RMND5A: variants seen among roughly 807,000 people sequenced by gnomAD.
RMND5A encodes required for meiotic nuclear division 5 homolog A.
RMND5A carries 17 observed loss-of-function variants against 49.7 expected under a neutral mutation model. That is an observed-to-expected ratio of 0.34 (90% CI 0.23 to 0.51). RMND5A has a LOEUF of 0.51. RMND5A is among the 20% of genes least tolerant of loss of function. The probability of loss-of-function intolerance (pLI) is 0.96; values close to 1 mark genes in which losing one functional copy is unlikely to be tolerated. For missense variants in RMND5A, 255 were observed against 471.3 expected (o/e 0.54, Z 4.25); for synonymous variants, 156 against 167.7 (o/e 0.93, Z 0.54).
chr2:86,767,070 T>C (rs1044867587), intron 6 of RMND5A, among the ~76,000 whole-genome samples: 1 of 152,180 alleles, frequency 6.6e-6, no homozygotes, highest in Non-Finnish European at 1.5e-5. Flanking sequence ...ACTTGTTTTT[T>C]TCTTGCTTTT....
chr2:86,724,072 G>T (rs950737100), intron 1 of RMND5A, among the ~76,000 whole-genome samples: 1 of 150,976 alleles, frequency 6.6e-6, no homozygotes, highest in African/African-American at 2.5e-5. Context: ...CCGTCAGCCT[G>T]ACAACAGGAA....
At chr2:86,761,766 A>G (rs879359038) in intron 4 of RMND5A, among the ~76,000 whole-genome samples, 1 of 152,160 alleles carries the variant, frequency 6.6e-6, no homozygotes, top group Non-Finnish European at 1.5e-5. Flanking sequence ...CCTTTTTGTA[A>G]AGGTATCTAC....
At chr2:86,748,910 T>C (rs1681585875) in intron 2 of RMND5A, among the ~76,000 whole-genome samples, 1 of 152,234 alleles carries the variant, frequency 6.6e-6, no homozygotes, top group Admixed American at 6.5e-5. Flanking sequence ...CTGAAGGTTG[T>C]ATTTGGATTT....
At chr2:86,762,618 C>T (rs1220798235) in intron 4 of RMND5A, among the ~76,000 whole-genome samples, 1 of 149,148 alleles carries the variant, frequency 6.7e-6, no homozygotes, top group African/African-American at 2.5e-5. Flanking sequence ...GCACTCCAGC[C>T]TGGGCAACAG....
rs761516292 is a variant in RMND5A, at chr2:86,720,734, C to G, written c.67C>G (p.Gln23Glu). 85 of 1,589,940 alleles carry G rather than the reference C, an allele frequency of 5.3e-5. 1 individual carries two copies. Among genetic ancestry groups the G allele is most frequent in the Non-Finnish European group, 2.4e-5 (28 of 1,169,192 alleles). ...GCTGCACAAGTTCTCAGGCTACGGGCAGCTGTGCGAGCGCGGCCTGGAGGA... is the reference window on the plus strand; with the variant it reads ...GCTGCACAAGTTCTCAGGCTACGGGGAGCTGTGCGAGCGCGGCCTGGAGGA... ...KVLHKFSGYG[Q>E]LCERGLEELI... Residue 23 changes from glutamine (Q) to glutamate (E), a missense_variant, in exon 1 of 9, where the codon CAG (glutamine) becomes GAG (glutamate). By Grantham distance (29) the Gln-to-Glu change is conservative. Coordinates refer to ENST00000283632, the MANE Select transcript of RMND5A (RefSeq NM_022780.4).
chr2:86,765,013 TGC>T lies in RMND5A; in HGVS notation c.522-13_522-12del, dbSNP rs1442791969. On this transcript the variant is annotated splice_polypyrimidine_tract_variant and intron_variant, in intron 4 of 8. Transcript: ENST00000283632. ...TGCTTTTGATTCTTAAAGTCTTTTT[TGC>T]CTTTTCTTTAGGTGGGCAGTGTCAA... 1 of 1,585,852 alleles carries T rather than the reference TGC, an allele frequency of 6.3e-7. No homozygotes were observed. Among genetic ancestry groups the T allele is most frequent in the Non-Finnish European group, 8.5e-7 (1 of 1,171,052 alleles).
In RMND5A at chr2:86,766,073, C is replaced by A. The variant is rs962969401; in HGVS notation, c.854+49C>A. The A allele has an allele frequency of 2.7e-6, 4 of 1,484,314 alleles. No individual in the cohort carries two copies. The African/African-American group carries it at 5.6e-5, about 21-fold the overall frequency. 91.9% of individuals were successfully genotyped at this position (1,484,314 alleles called of 1,614,324 possible). ...TATTGAAGTATGCACTGCATTATCA[C>A]CTTCCCTTAACTTGTTTGGTTCTTG... On this transcript the variant is annotated intron_variant, in intron 6 of 8. Transcript: ENST00000283632.
At chr2:86,754,303 A>G (rs568329399) in intron 4 of RMND5A, among the ~76,000 whole-genome samples, 1 of 152,342 alleles carries the variant, frequency 6.6e-6, no homozygotes, top group African/African-American at 2.4e-5. Flanking sequence ...CCCAGTCCTA[A>G]AATTTTTTAC....
intron 1 of RMND5A, among the ~76,000 whole-genome samples, chr2:86,728,876 C>CA (rs1435392238): frequency 6.7e-6 from 1 of 149,836 alleles, no homozygotes. Flanking sequence ...GCCTCAGCCC[C>CA]CGAGTAGCTG....
chr2:86,733,221 ATAAT>A (rs1336102442), intron 1 of RMND5A, among the ~76,000 whole-genome samples: 1 of 90,474 alleles, frequency 1.1e-5, no homozygotes, highest in Non-Finnish European at 2.1e-5. Context: ...TATGTAATAC[ATAAT>A]TAATTATTTT....
chr2:86,732,688 A>T (rs1681353883), intron 1 of RMND5A, among the ~76,000 whole-genome samples: 1 of 148,988 alleles, frequency 6.7e-6, no homozygotes, highest in South Asian at 2.1e-4. Context: ...GTCACATTAT[A>T]TATTAGAGAT....
chr2:86,759,019 G>T (rs1203075997), intron 4 of RMND5A, among the ~76,000 whole-genome samples: 2 of 152,112 alleles, frequency 1.3e-5, no homozygotes, highest in Non-Finnish European at 2.9e-5. Flanking sequence ...TAGAAAAAGA[G>T]GTTTTTGTAA....
intron 4 of RMND5A, among the ~76,000 whole-genome samples, chr2:86,761,769 G>T (rs1221697903): frequency 6.6e-6 from 1 of 152,072 alleles, no homozygotes; most frequent in South Asian, 2.1e-4. Flanking sequence ...TTTTGTAAAG[G>T]TATCTACTTA....
Position 86,774,748 on chromosome 2 carries a change from T to C in RMND5A, c.*1337T>C, listed in dbSNP as rs1392987283. 2 of 152,616 alleles carry C rather than the reference T, an allele frequency of 1.3e-5. No individual in the cohort carries two copies. The highest frequency in any genetic ancestry group is 2.9e-5 in the Non-Finnish European group (2 of 68,042). 9.5% of individuals were successfully genotyped at this position (152,616 alleles called of 1,614,324 possible). A position where few individuals can be genotyped will look rare whatever the true frequency, so the allele number is the denominator to read the frequency against. ...TCTTCTGACATGGAGTGAACATCAA[T>C]AGGAATACTTTCAAAGAAAATGAAA... is the stretch of plus-strand genomic sequence containing the variant. On this transcript the variant is annotated 3_prime_UTR_variant, in exon 9 of 9. Transcript: ENST00000283632.
rs1447226178 is a variant in RMND5A at position 86,777,977 on chromosome 2, T to C, written c.*4566T>C. On this transcript the variant is annotated 3_prime_UTR_variant, in exon 9 of 9. Transcript: ENST00000283632. ...TGCTTTGTTAATGTGTGTATTCCTA[T>C]GTAAAACACATGGCTTTTCCTGTGT... The C allele has an allele frequency of 1.3e-5, 2 of 152,216 alleles. No homozygotes were observed. Among genetic ancestry groups the C allele is most frequent in the Non-Finnish European group, 2.9e-5 (2 of 68,032 alleles). The allele number at this position is 152,216 out of a possible 1,614,324, so 9.4% of individuals were successfully genotyped here.
chr2:86,750,334 T>G (rs1681611824), intron 2 of RMND5A, among the ~76,000 whole-genome samples: 1 of 152,202 alleles, frequency 6.6e-6, no homozygotes. Context: ...TCTGAGAATG[T>G]CTTTATTTCA....
intron 2 of RMND5A, among the ~76,000 whole-genome samples, chr2:86,746,681 C>T (rs979582054): frequency 1.3e-5 from 2 of 151,662 alleles, no homozygotes; most frequent in Non-Finnish European, 2.9e-5. Flanking sequence ...ATGAATTTCT[C>T]TCCTTTCCAT....
rs1264999162 is a variant in RMND5A at position 86,726,919 on chromosome 2, AT to A, written c.142+6111del. The stretch of plus-strand genomic sequence containing the variant: ...TCTTCACATGGGGTAGAGATGACCA[AT>A]GGAGCTCAAAAGACAGGAACATGGC... On this transcript the variant is annotated intron_variant, in intron 1 of 8. Transcript: ENST00000283632. 6.1e-4 allele frequency among the ~76,000 whole-genome samples: 42 copies of A among 69,038 alleles called. 16 individuals carry two copies. The highest frequency in any genetic ancestry group is 1.1e-3 in the Non-Finnish European group (40 of 35,008). The allele number at this position is 69,038 out of a possible 152,430, so 45.3% of individuals were successfully genotyped here.
chr2:86,758,152 A>C (rs1461765376), intron 4 of RMND5A, among the ~76,000 whole-genome samples: 1 of 91,164 alleles, frequency 1.1e-5, no homozygotes, highest in African/African-American at 3.9e-5. Flanking sequence ...AGAGTACAAA[A>C]TCAAAAGGCA....
Sources: allele counts gnomAD v4.1 joint callset (sites outside exome capture counted in the v4.1 genomes callset), GRCh38; gene constraint gnomAD v4.1.1; transcripts MANE v1.5; gene names NCBI Gene and HGNC (gene_info 2026-07-23, HGNC 2026-07-21).